DAPK1: variants seen among roughly 807,000 people sequenced by gnomAD.
The protein encoded by DAPK1 is death-associated protein kinase 1.
DAPK1 carries 56 observed loss-of-function variants against 144.9 expected under a neutral mutation model. That is an observed-to-expected ratio of 0.39 (90% confidence interval 0.31 to 0.48). DAPK1 has a LOEUF of 0.48. DAPK1 is among the 20% of genes least tolerant of loss of function. DAPK1 has a pLI of 0.95. For synonymous variants in DAPK1, 690 were observed against 749.0 expected, an observed-to-expected ratio of 0.92 and a Z score of 1.29; for missense variants, 1,454 against 1,875.4, an observed-to-expected ratio of 0.78 and a Z score of 4.15.
intron 2 of DAPK1, among the ~76,000 whole-genome samples, chr9:87,528,903 C>T (rs1441734424): frequency 1.3e-5 from 2 of 151,268 alleles, no homozygotes; most frequent in African/African-American, 2.4e-5. Context: ...CACCTCCAAC[C>T]TCACACCATA....
intron 24 of DAPK1, chr9:87,701,845 C>T (rs527829283): frequency 1.9e-5 from 9 of 469,726 alleles, no homozygotes; most frequent in Admixed American, 1.9e-4. Flanking sequence ...GAAAACCCTG[C>T]CCTTCACACC....
chr9:87,653,650 G>A (rs1480823878), intron 17 of DAPK1, among the ~76,000 whole-genome samples: 1 of 151,732 alleles, frequency 6.6e-6, no homozygotes, highest in East Asian at 1.9e-4. Context: ...TCCCAGGACT[G>A]TATTTCTCTT....
At chr9:87,669,174 A>G (rs968971564) in intron 19 of DAPK1, among the ~76,000 whole-genome samples, 1 of 152,226 alleles carries the variant, frequency 6.6e-6, no homozygotes, top group Non-Finnish European at 1.5e-5. Context: ...ACTCTGTTTT[A>G]TGCTTAAAGA....
At position 87,707,278 on chromosome 9, in the gene DAPK1, C is replaced by T; in HGVS notation, c.4207C>T (p.Leu1403=). The change falls in exon 26 of 26, where the codon CTG becomes TTG. Residue 1403 remains leucine, a synonymous_variant. Transcript: ENST00000408954. This position sits in a 1 kb window ranked among gnomAD's most constrained non-coding sequence, Gnocchi z 4.0. ...GGCATCCTCTGTGTTCAAAATCAAC[C>T]TGGATGGCAATGGCCAGGAGGCCTA... The part of the protein sequence containing the change: ...LKASSVFKIN[L]DGNGQEAYAS... 6.2e-7 allele frequency: 1 copy of T among 1,614,024 alleles called. No individual in the cohort carries two copies. Among genetic ancestry groups the T allele is most frequent in the Non-Finnish European group, 8.5e-7 (1 of 1,179,924 alleles).
chr9:87,501,078 CT>C (rs1824371387), intron 2 of DAPK1, among the ~76,000 whole-genome samples: 1 of 152,250 alleles, frequency 6.6e-6, no homozygotes, highest in Admixed American at 6.5e-5. Context: ...TAGGAAGATG[CT>C]GCTTATATGA....
At chr9:87,552,758 A>T (rs944249163) in intron 2 of DAPK1, among the ~76,000 whole-genome samples, 1 of 145,242 alleles carries the variant, frequency 6.9e-6, no homozygotes, top group South Asian at 2.2e-4. Flanking sequence ...TACCCCGTTA[A>T]TTTTTTTTTT....
At chr9:87,614,784 AG>A (rs1829040951) in intron 3 of DAPK1, among the ~76,000 whole-genome samples, 2 of 152,138 alleles carry the variant, frequency 1.3e-5, no homozygotes, top group African/African-American at 4.8e-5. Context: ...CATCCTGGCC[AG>A]GCAGCTGCCT....
intron 2 of DAPK1, among the ~76,000 whole-genome samples, chr9:87,502,213 T>A (rs372615935): frequency 6.6e-6 from 1 of 152,054 alleles, no homozygotes. Context: ...ACTATGATTC[T>A]GAATAATGCA....
At chr9:87,654,363 T>C (rs1268430440) in intron 17 of DAPK1, among the ~76,000 whole-genome samples, 1 of 152,248 alleles carries the variant, frequency 6.6e-6, no homozygotes, top group Admixed American at 6.5e-5. Flanking sequence ...CAATGGCATA[T>C]ACAATGCCAG....
chr9:87,557,666 C>T (rs529604753), intron 2 of DAPK1, among the ~76,000 whole-genome samples: 20 of 152,086 alleles, frequency 1.3e-4, no homozygotes, highest in South Asian at 6.2e-4. Context: ...CTTGGCAGGG[C>T]GCGGTAGCTT....
At position 87,661,547 on chromosome 9, in the gene DAPK1, G is replaced by A. The variant is rs143186791; in HGVS notation, c.1923+3420G>A. On this transcript the variant is annotated intron_variant, in intron 18 of 25. Transcript: ENST00000408954. ...TGGTGTTAAGGTGATACTCATTGTG[G>A]TTTTAACTTGCATGTCTCTGATGAT... 4.9e-3 allele frequency among the ~76,000 whole-genome samples: 740 copies of A among 152,230 alleles called. 7 individuals carry two copies. The highest frequency in any genetic ancestry group is 0.016 in the African/African-American group (669 of 41,532).
At chr9:87,602,072 G>C (rs898397983) in intron 2 of DAPK1, among the ~76,000 whole-genome samples, 2 of 152,146 alleles carry the variant, frequency 1.3e-5, no homozygotes, top group Non-Finnish European at 2.9e-5. Flanking sequence ...GTGCCCCTGA[G>C]GGGTATGGGG....
chr9:87,679,134 A>G (rs534946572), intron 19 of DAPK1, among the ~76,000 whole-genome samples: 1 of 152,000 alleles, frequency 6.6e-6, no homozygotes, highest in South Asian at 2.1e-4. Flanking sequence ...TGTCATTTAT[A>G]TGACACTGGT....
In DAPK1 at chr9:87,629,513, CT is replaced by C. The variant is rs376541377; in HGVS notation, c.285-8426del. The stretch of plus-strand genomic sequence containing the variant: ...ATACACTACCTATACCTACCTAACC[CT>C]TTTATTTTTTATTGTTTTTTGAATA... On this transcript the variant is annotated intron_variant, in intron 3 of 25. Coordinates refer to ENST00000408954, the MANE Select transcript of DAPK1 (RefSeq NM_004938.4). Among the ~76,000 whole-genome samples the C allele has an allele frequency of 2.9e-3, 441 of 152,260 alleles. 3 individuals are homozygous for C. The highest frequency in any genetic ancestry group is 9.7e-3 in the African/African-American group (404 of 41,568).
intron 21 of DAPK1, among the ~76,000 whole-genome samples, chr9:87,695,538 A>G (rs73653344): frequency 0.075 from 11,414 of 152,212 alleles, 1,468 homozygotes; most frequent in African/African-American, 0.26. Flanking sequence ...TTCTGGGGAA[A>G]TGGGCAGCCT....
intron 2 of DAPK1, among the ~76,000 whole-genome samples, chr9:87,520,975 C>G (rs529626203): frequency 6.6e-6 from 1 of 152,314 alleles, no homozygotes; most frequent in South Asian, 2.1e-4. Context: ...CAACCTATGA[C>G]TGACAATGGT....
Position 87,497,988 on chromosome 9 carries a change from G to T in DAPK1, c.-228G>T. On this transcript the variant is annotated 5_prime_UTR_variant, in exon 1 of 26. Coordinates refer to ENST00000408954, the MANE Select transcript of DAPK1 (RefSeq NM_004938.4). ...GGGCCGGCGCCTGGGAGGGATCTGC[G>T]CCCCCCACTCACTCCCTAGCTGTGT... The T allele has an allele frequency of 2.5e-6, 1 of 397,276 alleles. No homozygotes were observed. The highest frequency in any genetic ancestry group is 3.6e-5 in the East Asian group (1 of 27,998). The allele number at this position is 397,276 out of a possible 1,614,324, so 24.6% of individuals were successfully genotyped here.
intron 20 of DAPK1, among the ~76,000 whole-genome samples, chr9:87,684,727 TC>T (rs1177759679): frequency 6.6e-6 from 1 of 151,748 alleles, no homozygotes; most frequent in Non-Finnish European, 1.5e-5. Context: ...CGGGAGGAAT[TC>T]CCGGTGACCA....
chr9:87,612,409 G>A (rs1039815915), intron 3 of DAPK1, among the ~76,000 whole-genome samples: 20 of 152,142 alleles, frequency 1.3e-4, no homozygotes, highest in Non-Finnish European at 2.6e-4. Flanking sequence ...GCATCTATAC[G>A]CCAAGGAACC....
Sources: gnomAD v4.1 joint callset for allele counts (sites outside exome capture counted in the v4.1 genomes callset) on GRCh38, gnomAD v4.1.1 for gene constraint, Gnocchi (gnomAD v3.1) non-coding constraint, MANE v1.5 for transcripts, NCBI Gene and HGNC (gene_info 2026-07-23, HGNC 2026-07-21) for gene names.